PPFIA2: variants seen among roughly 807,000 people sequenced by gnomAD.
PPFIA2 encodes the protein PPFI scaffold protein A2.
PPFIA2 carries 46 observed loss-of-function variants against 175.5 expected under a neutral mutation model. That is an observed-to-expected ratio of 0.26 (90% CI 0.21 to 0.34). PPFIA2 has a LOEUF of 0.34. PPFIA2 is among the 10% of genes least tolerant of loss of function. The pLI is 1.00. For synonymous variants in PPFIA2, 568 were observed against 511.4 expected, an observed-to-expected ratio of 1.11 and a Z score of -1.49; for missense variants, 1,179 against 1,506.1, an observed-to-expected ratio of 0.78 and a Z score of 3.60.
chr12:81,345,600 A>G (rs1018278691), intron 18 of PPFIA2, among the ~76,000 whole-genome samples: 7 of 152,174 alleles, frequency 4.6e-5, no homozygotes, highest in African/African-American at 1.7e-4. Context: ...AAAAAGACTT[A>G]AAAGTGTAAA....
At chr12:81,684,527 T>A (rs562286075) in intron 3 of PPFIA2, among the ~76,000 whole-genome samples, 7 of 152,254 alleles carry the variant, frequency 4.6e-5, no homozygotes, top group African/African-American at 1.7e-4. Context: ...TTTTTACATA[T>A]ATAAAAAGCT....
At chr12:81,398,401 G>A (rs2041537554) in intron 8 of PPFIA2, among the ~76,000 whole-genome samples, 1 of 151,976 alleles carries the variant, frequency 6.6e-6, no homozygotes, top group African/African-American at 2.4e-5. Context: ...TTAAGACTTT[G>A]CTTAAAGTAA....
At chr12:81,520,103 A>G (rs974303890) in intron 4 of PPFIA2, among the ~76,000 whole-genome samples, 1 of 152,228 alleles carries the variant, frequency 6.6e-6, no homozygotes, top group Admixed American at 6.5e-5. Flanking sequence ...GAGGTAAAAG[A>G]TGTAGGCATT....
intron 5 of PPFIA2, among the ~76,000 whole-genome samples, chr12:81,453,754 T>C (rs1362786516): frequency 6.6e-6 from 1 of 152,226 alleles, no homozygotes; most frequent in Non-Finnish European, 1.5e-5. Context: ...ACTGCAGTGA[T>C]GACTGATTTT....
chr12:81,261,898 G>T (rs1328786976), intron 32 of PPFIA2, 51 bp downstream of exon 32: 3 of 1,264,762 alleles, frequency 2.4e-6, no homozygotes, highest in African/African-American at 1.5e-5. Flanking sequence ...GTCTATGTAG[G>T]TTCCATTTTT....
chr12:81,599,689 T>C (rs1348004354), intron 4 of PPFIA2, among the ~76,000 whole-genome samples: 2 of 152,018 alleles, frequency 1.3e-5, no homozygotes, highest in African/African-American at 4.8e-5. Context: ...TTTACTAGTA[T>C]TGACATTAAT....
intron 21 of PPFIA2, among the ~76,000 whole-genome samples, chr12:81,330,217 C>T (rs772649150): frequency 5.3e-5 from 8 of 152,096 alleles, no homozygotes; most frequent in Non-Finnish European, 7.4e-5. Flanking sequence ...AAAGACCCTA[C>T]GAAAGCCACA....
chr12:81,369,002 T>C (rs1001339621), intron 12 of PPFIA2, 109 bp downstream of exon 12: 2 of 1,274,912 alleles, frequency 1.6e-6, no homozygotes, highest in Non-Finnish European at 2.2e-6. Flanking sequence ...ACAGGTCATA[T>C]TTGTAAGTTT....
chr12:81,333,975 T>C (rs912375264), intron 21 of PPFIA2, among the ~76,000 whole-genome samples: 1 of 152,180 alleles, frequency 6.6e-6, no homozygotes, highest in Non-Finnish European at 1.5e-5. Context: ...TCAGGCCCCA[T>C]TTTGACATCT....
rs116825291 is a variant in PPFIA2, at chr12:81,542,711, T to C, written c.304-84845A>G. 1.0e-2 allele frequency among the ~76,000 whole-genome samples: 1,515 copies of C among 152,260 alleles called. 34 individuals are homozygous for C. The highest frequency in any genetic ancestry group is 0.034 in the African/African-American group (1,412 of 41,552). On this transcript the variant is annotated intron_variant, in intron 4 of 32. Coordinates refer to ENST00000549396, the MANE Select transcript of PPFIA2 (RefSeq NM_003625.5). ...ATTTGTGAATATAAATATTTCTATG[T>C]TCCTTTGAGATATAAATCTTTTAAA... is the stretch of plus-strand genomic sequence containing the variant.
rs138058435 is a variant in PPFIA2, at chr12:81,733,687, C to G, written c.249+20286G>C. Among the ~76,000 whole-genome samples the G allele has an allele frequency of 4.5e-3, 689 of 151,760 alleles. 10 individuals are homozygous for G. The highest frequency in any genetic ancestry group is 0.016 in the African/African-American group (644 of 41,470). ...ATATATTGATCAACAGATGCTTCTT[C>G]CTATTCTACTACACTGAGTTCTTTG... On this transcript the variant is annotated intron_variant, in intron 3 of 32. Transcript: ENST00000549396.
intron 4 of PPFIA2, among the ~76,000 whole-genome samples, chr12:81,665,918 G>GA (rs1235107554): frequency 2.0e-5 from 3 of 151,104 alleles, no homozygotes; most frequent in African/African-American, 7.3e-5. Context: ...AAATTTACAA[G>GA]AAAAAAACAA....
chr12:81,353,342 G>A lies in PPFIA2; in HGVS notation c.1774-3C>T, dbSNP rs781685277. 1.9e-6 allele frequency: 3 copies of A among 1,582,852 alleles called. No individual in the cohort carries two copies. The highest frequency in any genetic ancestry group is 2.6e-6 in the Non-Finnish European group (3 of 1,151,766). On this transcript the variant is annotated splice_region_variant and splice_polypyrimidine_tract_variant and intron_variant, in intron 16 of 32. Coordinates refer to ENST00000549396, the MANE Select transcript of PPFIA2 (RefSeq NM_003625.5). ...TCGTGATCCCCAAGAGATTTCACCT[G>A]AATGGTGAATGAAAAAATGCAGAAT...
chr12:81,589,915 C>A (rs147642991), intron 4 of PPFIA2, among the ~76,000 whole-genome samples: 1 of 152,094 alleles, frequency 6.6e-6, no homozygotes. Flanking sequence ...TCACTCCTCA[C>A]TGAAAATTCT....
At chr12:81,654,789 G>A (rs115814210) in intron 4 of PPFIA2, among the ~76,000 whole-genome samples, 4,015 of 152,112 alleles carry the variant, frequency 0.026, 66 homozygotes, top group South Asian at 0.067. Context: ...TTAAGGTTGC[G>A]TCAATTTGTT....
chr12:81,421,099 G>T (rs2046162617), intron 7 of PPFIA2, among the ~76,000 whole-genome samples: 1 of 152,058 alleles, frequency 6.6e-6, no homozygotes. Flanking sequence ...AAGGGATAAA[G>T]TCTTTCCAAT....
At chr12:81,582,456 T>C (rs2153429665) in intron 4 of PPFIA2, among the ~76,000 whole-genome samples, 1 of 151,928 alleles carries the variant, frequency 6.6e-6, no homozygotes, top group South Asian at 2.1e-4. Flanking sequence ...ATTAACGCAA[T>C]ATTAAAAATA....
intron 4 of PPFIA2, among the ~76,000 whole-genome samples, chr12:81,531,696 T>C (rs2064588326): frequency 6.6e-6 from 1 of 151,232 alleles, no homozygotes; most frequent in Non-Finnish European, 1.5e-5. Flanking sequence ...TTGTAGAATA[T>C]TTAAAGGATA....
chr12:81,393,138 A>T (rs1254833324), intron 8 of PPFIA2, among the ~76,000 whole-genome samples: 1 of 152,026 alleles, frequency 6.6e-6, no homozygotes, highest in East Asian at 1.9e-4. Context: ...CCCATGATAA[A>T]TGTTAATAAT....
Sources: allele counts gnomAD v4.1 joint callset (sites outside exome capture counted in the v4.1 genomes callset), GRCh38; gene constraint gnomAD v4.1.1; transcripts MANE v1.5; gene names NCBI Gene and HGNC (gene_info 2026-07-23, HGNC 2026-07-21).